The following HELQ variants were observed in gnomAD, a reference collection of about 807,000 sequenced individuals.
HELQ encodes helicase POLQ-like.
Under a neutral mutation model 111.6 loss-of-function variants are expected in HELQ, and 77 were observed. The observed-to-expected ratio is 0.69, with a 90% CI of 0.57 to 0.83. The LOEUF is 0.83. HELQ is among the 40% of genes least tolerant of loss of function. HELQ has a pLI of 0.00. For synonymous variants in HELQ, 438 were observed against 454.7 expected (o/e 0.96, Z 0.47); for missense variants, 1,200 against 1,288.5 (o/e 0.93, Z 1.05).
intron 15 of HELQ, among the ~76,000 whole-genome samples, chr4:83,420,183 T>C (rs1739592071): frequency 6.6e-6 from 1 of 152,262 alleles, no homozygotes; most frequent in Non-Finnish European, 1.5e-5. Context: ...AAAGGAATTC[T>C]GAAAGCTTAT....
At chr4:83,421,427 T>G (rs1433311827) in intron 15 of HELQ, 136 bp downstream of exon 15, 2 of 627,822 alleles carry the variant, frequency 3.2e-6, no homozygotes, top group African/African-American at 3.7e-5. Flanking sequence ...TTTTAAATAG[T>G]TTTTTAGTGC....
At chr4:83,423,394 G>A (rs550238957) in intron 14 of HELQ, among the ~76,000 whole-genome samples, 2 of 152,162 alleles carry the variant, frequency 1.3e-5, no homozygotes, top group Non-Finnish European at 2.9e-5. Flanking sequence ...TACATATTCT[G>A]CATGTTGATA....
chr4:83,411,272 A>G (rs559625390), intron 17 of HELQ, among the ~76,000 whole-genome samples: 1 of 151,996 alleles, frequency 6.6e-6, no homozygotes, highest in African/African-American at 2.4e-5. Flanking sequence ...GAGACAGACA[A>G]TACAAAACAT....
At chr4:83,446,344 ACC>A (rs968901825) in intron 4 of HELQ, among the ~76,000 whole-genome samples, 6 of 151,956 alleles carry the variant, frequency 3.9e-5, no homozygotes, top group Non-Finnish European at 7.4e-5. Flanking sequence ...TTGGCTCTTG[ACC>A]CCCAGGCTGG....
intron 9 of HELQ, among the ~76,000 whole-genome samples, chr4:83,434,747 C>T (rs1720357461): frequency 6.6e-6 from 1 of 152,034 alleles, no homozygotes; most frequent in Non-Finnish European, 1.5e-5. Context: ...TACAAAAAAA[C>T]TGATTTTTTG....
chr4:83,420,567 T>A (rs1739623846), intron 15 of HELQ, among the ~76,000 whole-genome samples: 1 of 151,712 alleles, frequency 6.6e-6, no homozygotes, highest in Non-Finnish European at 1.5e-5. Context: ...GGTGGATCAC[T>A]TGAGGTCCGG....
At chr4:83,445,522 T>C (rs528748376) in intron 5 of HELQ, among the ~76,000 whole-genome samples, 210 of 152,316 alleles carry the variant, frequency 1.4e-3, no homozygotes, top group Middle Eastern at 6.8e-3. Context: ...AAAGACTACC[T>C]GATGCTGCAA....
intron 14 of HELQ, 117 bp downstream of exon 14, chr4:83,425,877 A>G: frequency 1.7e-6 from 1 of 581,478 alleles, no homozygotes; most frequent in Non-Finnish European, 3.1e-6. Flanking sequence ...AATTTAAAGG[A>G]AAAAATGTAA....
intron 14 of HELQ, among the ~76,000 whole-genome samples, chr4:83,425,663 C>A (rs1360066300): frequency 6.6e-6 from 1 of 152,078 alleles, no homozygotes; most frequent in Non-Finnish European, 1.5e-5. Context: ...ATCCTTGATA[C>A]CAAATAGAAA....
chr4:83,409,395 A>C (rs1012485150), intron 17 of HELQ, among the ~76,000 whole-genome samples: 12 of 151,614 alleles, frequency 7.9e-5, no homozygotes, highest in African/African-American at 2.4e-5. Context: ...CTAAAAATAC[A>C]AAAAAAAATT....
chr4:83,455,742 G>A lies in HELQ; in HGVS notation c.-49C>T, dbSNP rs1460119235. ...AGACGTCGTTCTCAGTGACCCAGAC[G>A]CTAAGCCCATATGGAAGGGAGAGTG... On this transcript the variant is annotated 5_prime_UTR_variant, in exon 1 of 18. Transcript: ENST00000295488. 1 of 1,547,346 alleles carries A rather than the reference G, an allele frequency of 6.5e-7. No individual in the cohort carries two copies. Among genetic ancestry groups the A allele is most frequent in the Non-Finnish European group, 8.8e-7 (1 of 1,139,984 alleles).
rs757516788 is a variant in HELQ at position 83,421,693 on chromosome 4, A to G, written c.2819T>C (p.Val940Ala). The change falls in exon 15 of 18, where the codon GTT becomes GCT. Residue 940 changes from valine (V) to alanine (A), a missense_variant. Val to Ala is a moderately conservative substitution (Grantham distance 64). Transcript: ENST00000295488. ...NVVNRLYLSFVLYTLLKETNI... is the reference protein window; with the variant it reads ...NVVNRLYLSFALYTLLKETNI... ...GGTCTCTTTGAGCAAGGTATAAAGA[A>G]CAAAAGACAGATATAGCCTGTTGAC... 1.2e-6 allele frequency: 2 copies of G among 1,613,680 alleles called. No homozygotes were observed. Among genetic ancestry groups the G allele is most frequent in the African/African-American group, 2.7e-5 (2 of 74,922 alleles).
rs570533386 is a variant in HELQ, at chr4:83,442,324, G to A, written c.1564-921C>T. On this transcript the variant is annotated intron_variant, in intron 6 of 17. Coordinates refer to ENST00000295488, the MANE Select transcript of HELQ (RefSeq NM_133636.5). ...ACTCTGTAGTCCAGGCTGGGGTGTA[G>A]CGGCACAAACACAGCTTACTGTATC... is the stretch of plus-strand genomic sequence containing the variant. 4.5e-5 allele frequency among the ~76,000 whole-genome samples: 6 copies of A among 134,624 alleles called. No individual in the cohort carries two copies. The South Asian group carries it at 7.3e-4, about 16-fold the overall frequency. The allele number at this position is 134,624 out of a possible 152,430, so 88.3% of individuals were successfully genotyped here.
At chr4:83,438,331 T>C (rs1280514580) in intron 8 of HELQ, among the ~76,000 whole-genome samples, 1 of 152,204 alleles carries the variant, frequency 6.6e-6, no homozygotes, top group Non-Finnish European at 1.5e-5. Flanking sequence ...TTCATACTTA[T>C]CTCTATGAAT....
rs74836884 is a variant in HELQ at position 83,429,501 on chromosome 4, A to G, written c.2518+23T>C. 4.7e-3 allele frequency: 6,825 copies of G among 1,445,928 alleles called. 255 individuals carry two copies. In the African/African-American group the frequency reaches 0.085, roughly 18 times the overall value. 89.6% of individuals were successfully genotyped at this position (1,445,928 alleles called of 1,614,324 possible). ...TTTTCCAATGTGTTTCCTATGATCAATAAGATTTAGGTAAACTCTTACCCT... is the reference window on the plus strand; with the variant it reads ...TTTTCCAATGTGTTTCCTATGATCAGTAAGATTTAGGTAAACTCTTACCCT... On this transcript the variant is annotated intron_variant, in intron 12 of 17. Coordinates refer to ENST00000295488, the MANE Select transcript of HELQ (RefSeq NM_133636.5).
chr4:83,409,589 C>G (rs1459267849), intron 17 of HELQ, among the ~76,000 whole-genome samples: 4 of 151,302 alleles, frequency 2.6e-5, no homozygotes. Context: ...AATAAGAACC[C>G]AAACTCTTCA....
Position 83,427,875 on chromosome 4 carries a change from T to C in HELQ, c.2519-155A>G, listed in dbSNP as rs753638636. On this transcript the variant is annotated intron_variant, in intron 12 of 17. Coordinates refer to ENST00000295488, the MANE Select transcript of HELQ (RefSeq NM_133636.5). Reference sequence around the variant, plus strand: ...ATAACTATTTTGGAGGTCATTTTGATAGTACTCATCAACACTTTATAAGTA... The same window carrying C: ...ATAACTATTTTGGAGGTCATTTTGACAGTACTCATCAACACTTTATAAGTA... The C allele has an allele frequency of 3.8e-5, 19 of 506,232 alleles. No homozygotes were observed. The South Asian group carries it at 5.3e-4, about 14-fold the overall frequency. 31.4% of individuals were successfully genotyped at this position (506,232 alleles called of 1,614,324 possible).
At position 83,453,286 on chromosome 4, in the gene HELQ, T is replaced by C. The variant is rs1430174220; in HGVS notation, c.957A>G (p.Leu319=). Residue 319 remains leucine, a synonymous_variant, in exon 2 of 18, where the codon TTA becomes TTG. Coordinates refer to ENST00000295488, the MANE Select transcript of HELQ (RefSeq NM_133636.5). ...SSNDLGPFYS[L]PSKVRDLYAQ... ...CATAAAGGTCTCTCACTTTGCTGGG[T>C]AATGAATAAAAAGGACCAAGGTCAT... 10 of 1,613,624 alleles carry C rather than the reference T, an allele frequency of 6.2e-6. No individual in the cohort carries two copies. Among genetic ancestry groups the C allele is most frequent in the Non-Finnish European group, 8.5e-6 (10 of 1,179,816 alleles).
At chr4:83,410,359 C>A (rs1158004557) in intron 17 of HELQ, among the ~76,000 whole-genome samples, 2 of 152,132 alleles carry the variant, frequency 1.3e-5, no homozygotes, top group African/African-American at 4.8e-5. Flanking sequence ...TTTTTTTAAA[C>A]CCCAAACCAA....
Sources: allele counts gnomAD v4.1 joint callset (sites outside exome capture counted in the v4.1 genomes callset), GRCh38; gene constraint gnomAD v4.1.1; transcripts MANE v1.5; gene names NCBI Gene and HGNC (gene_info 2026-07-23, HGNC 2026-07-21).